Variants in GOLGB1 observed in about 807,000 individuals in gnomAD.
GOLGB1 encodes the protein golgin B1.
GOLGB1 carries 174 observed loss-of-function variants against 336.9 expected under a neutral mutation model. The ratio of observed to expected loss-of-function variants is 0.52; its 90% CI spans 0.46 to 0.59. The LOEUF (loss-of-function observed/expected upper bound fraction) is 0.59, where lower values mean the gene tolerates loss of function less well. Among genes scored for constraint, GOLGB1 ranks in the 20% least tolerant of loss-of-function variants. The probability of loss-of-function intolerance (pLI) is 0.00; values close to 1 mark genes in which losing one functional copy is unlikely to be tolerated. For synonymous variants in GOLGB1, 1,208 were observed against 1,289.2 expected, an observed-to-expected ratio of 0.94 and a Z score of 1.35; for missense variants, 3,331 against 3,645.3, an observed-to-expected ratio of 0.91 and a Z score of 2.22.
intron 10 of GOLGB1, among the ~76,000 whole-genome samples, chr3:121,709,264 G>A (rs886344078): frequency 6.6e-6 from 1 of 152,128 alleles, no homozygotes; most frequent in Non-Finnish European, 1.5e-5. Context: ...CCCCCTCTTA[G>A]CAAATGTTTC....
At chr3:121,677,498 G>T in intron 15 of GOLGB1, 48 bp from the exon 16 acceptor site, 1 of 1,308,754 alleles carries the variant, frequency 7.6e-7, no homozygotes, top group Non-Finnish European at 1.1e-6. Flanking sequence ...CTTGTAACTG[G>T]GCATGGTAGC....
chr3:121,730,059 T>C (rs763617484), intron 2 of GOLGB1, 42 bp from the exon 3 acceptor site: 1 of 1,441,134 alleles, frequency 6.9e-7, no homozygotes, highest in Non-Finnish European at 9.6e-7. Flanking sequence ...CAGGAAAAGG[T>C]ATTAGCTTCC....
Position 121,697,801 on chromosome 3 carries a change from C to T in GOLGB1, c.2722G>A (p.Val908Met). ...QQTIEEKDQQ[V>M]TEISFSMTEK... ...GTCATACTAAAGCTGATTTCTGTCACTTGTTGATCCTTCTCCTCGATGGTT... is the reference window on the plus strand; with the variant it reads ...GTCATACTAAAGCTGATTTCTGTCATTTGTTGATCCTTCTCCTCGATGGTT... Residue 908 changes from valine to methionine, a missense_variant, in exon 13 of 22, where the codon GTG (valine) becomes ATG (methionine). Val to Met is a conservative substitution (Grantham distance 21, BLOSUM62 1). Coordinates refer to ENST00000614479, the MANE Select transcript of GOLGB1 (RefSeq NM_001366282.2). 6.2e-7 allele frequency: 1 copy of T among 1,614,076 alleles called. No homozygotes were observed. Among genetic ancestry groups the T allele is most frequent in the South Asian group, 1.1e-5 (1 of 91,078 alleles).
chr3:121,691,422 T>A lies in GOLGB1; in HGVS notation c.7942A>T (p.Arg2648Trp), dbSNP rs762951023. The change falls in exon 14 of 22, where the codon AGG (arginine) becomes TGG (tryptophan). Residue 2648 changes from arginine to tryptophan, a missense_variant. Arg to Trp is a moderately radical substitution (Grantham distance 101). Coordinates refer to ENST00000614479, the MANE Select transcript of GOLGB1 (RefSeq NM_001366282.2). ...QLKVKEEEVH[R>W]LSALFSSSQK... ...GAGGAGGAAAACAAAGCACTTAACC[T>A]GTGTACCTCTTCTTCTTTTACTTTT... The A allele has an allele frequency of 3.7e-6, 6 of 1,613,708 alleles. No homozygotes were observed. The highest frequency in any genetic ancestry group is 5.1e-6 in the Non-Finnish European group (6 of 1,179,978).
chr3:121,718,278 T>C (rs1944924569), intron 8 of GOLGB1, 110 bp downstream of exon 8: 3 of 655,736 alleles, frequency 4.6e-6, no homozygotes, highest in South Asian at 3.8e-5. Flanking sequence ...AATGAATAAA[T>C]GGCATCAATT....
At chr3:121,670,903 G>T (rs1275909495) in intron 17 of GOLGB1, among the ~76,000 whole-genome samples, 1 of 152,132 alleles carries the variant, frequency 6.6e-6, no homozygotes, top group African/African-American at 2.4e-5. Context: ...CTTAACCTAA[G>T]AGGAAGTTAA....
At chr3:121,677,215 A>AAAC in intron 16 of GOLGB1, 70 bp downstream of exon 16, 2 of 1,348,950 alleles carry the variant, frequency 1.5e-6, no homozygotes, top group Non-Finnish European at 1.0e-6. Context: ...AAAAAAAACA[A>AAAC]AACCCTGCAA....
chr3:121,702,593 T>A lies in GOLGB1; in HGVS notation c.1407A>T (p.Ala469=), dbSNP rs1943499976. 7.0e-7 allele frequency: 1 copy of A among 1,423,158 alleles called. No homozygotes were observed. Among genetic ancestry groups the A allele is most frequent in the Non-Finnish European group, 9.4e-7 (1 of 1,058,736 alleles). The allele number at this position is 1,423,158 out of a possible 1,614,324, so 88.2% of individuals were successfully genotyped here. ...AAGAAGCAATATTCTCCTCAGTGACTGCCTAAATTGTAGAAAGACAACAAA... is the reference window on the plus strand; with the variant it reads ...AAGAAGCAATATTCTCCTCAGTGACAGCCTAAATTGTAGAAAGACAACAAA... ...FPDVYNEGTQ[A]VTEENIASLQ... Residue 469 remains alanine (A), a splice_region_variant and synonymous_variant, in exon 11 of 22, where the codon GCA becomes GCT. Coordinates refer to ENST00000614479, the MANE Select transcript of GOLGB1 (RefSeq NM_001366282.2).
At chr3:121,739,866 C>A (rs559180892) in intron 1 of GOLGB1, among the ~76,000 whole-genome samples, 1 of 152,306 alleles carries the variant, frequency 6.6e-6, no homozygotes, top group East Asian at 1.9e-4. Context: ...CCATCACATA[C>A]TTCTCAGAAA....
intron 8 of GOLGB1, among the ~76,000 whole-genome samples, 163 bp from the exon 9 acceptor site, chr3:121,717,302 A>G (rs996033986): frequency 2.0e-5 from 3 of 152,184 alleles, no homozygotes; most frequent in Non-Finnish European, 4.4e-5. Flanking sequence ...AGAAGAGAGG[A>G]GATGGCTGAC....
chr3:121,735,370 A>G (rs772956669), intron 1 of GOLGB1, among the ~76,000 whole-genome samples: 15 of 152,228 alleles, frequency 9.9e-5, no homozygotes, highest in Non-Finnish European at 1.9e-4. Context: ...TATTATAAAT[A>G]TATGATATAA....
chr3:121,739,320 GA>G (rs1560334063), intron 1 of GOLGB1, among the ~76,000 whole-genome samples: 1 of 151,142 alleles, frequency 6.6e-6, no homozygotes, highest in African/African-American at 2.4e-5. Flanking sequence ...ATTACTAGAA[GA>G]AAAAAAAGGA....
chr3:121,693,639 TG>T, intron 13 of GOLGB1, 101 bp downstream of exon 13: 1 of 856,412 alleles, frequency 1.2e-6, no homozygotes, highest in East Asian at 2.4e-5. Flanking sequence ...TGGACATTTA[TG>T]CCAAAATTAG....
chr3:121,716,917 C>G lies in GOLGB1; in HGVS notation c.1108G>C (p.Ala370Pro), dbSNP rs1301116244. Residue 370 changes from alanine (A) to proline (P), a missense_variant, in exon 9 of 22, where the codon GCT becomes CCT. Transcript: ENST00000614479. Reference protein sequence around the residue: ...AQAELESRYSALEQKHKAEME... With the variant: ...AQAELESRYSPLEQKHKAEME... ...TCTGCTTTGTGCTTCTGCTCCAAAGCACTATACCGAGACTCTAGTTCAGCC... is the reference window on the plus strand; with the variant it reads ...TCTGCTTTGTGCTTCTGCTCCAAAGGACTATACCGAGACTCTAGTTCAGCC... 6.2e-7 allele frequency: 1 copy of G among 1,613,974 alleles called. No individual in the cohort carries two copies. The highest frequency in any genetic ancestry group is 1.7e-4 in the Middle Eastern group (1 of 6,060).
intron 20 of GOLGB1, among the ~76,000 whole-genome samples, chr3:121,667,141 A>T (rs1241458835): frequency 2.0e-5 from 3 of 152,228 alleles, no homozygotes; most frequent in Non-Finnish European, 1.5e-5. Context: ...ATGGATTCAG[A>T]TCTCAGGTAG....
Position 121,691,496 on chromosome 3 carries a change from A to G in GOLGB1, c.7868T>C (p.Val2623Ala). Reference sequence around the variant, plus strand: ...AGTACCTTCTTCTTGCAAGGCTGTTACTTGTCTTGTTAGCTGGGATATAGA... The same window carrying G: ...AGTACCTTCTTCTTGCAAGGCTGTTGCTTGTCTTGTTAGCTGGGATATAGA... ...KVSISQLTRQ[V>A]TALQEEGTLG... is the part of the protein sequence containing the mutation. The change falls in exon 14 of 22, where the codon GTA becomes GCA. Residue 2623 changes from valine to alanine, a missense_variant. Coordinates refer to ENST00000614479, the MANE Select transcript of GOLGB1 (RefSeq NM_001366282.2). 1.9e-6 allele frequency: 3 copies of G among 1,612,346 alleles called. No homozygotes were observed. The highest frequency in any genetic ancestry group is 2.5e-6 in the Non-Finnish European group (3 of 1,179,518).
At chr3:121,749,403 A>G (rs1284360941) in intron 1 of GOLGB1, among the ~76,000 whole-genome samples, 1 of 152,166 alleles carries the variant, frequency 6.6e-6, no homozygotes, top group East Asian at 1.9e-4. Flanking sequence ...AAGTCTGCGC[A>G]GGGTGACCCC....
chr3:121,741,775 A>C (rs1414267810), intron 1 of GOLGB1, among the ~76,000 whole-genome samples: 3 of 152,172 alleles, frequency 2.0e-5, no homozygotes, highest in Non-Finnish European at 4.4e-5. Context: ...AAGGCTTAAA[A>C]GTAATGACAA....
chr3:121,704,188 G>A lies in GOLGB1; in HGVS notation c.1405-1593C>T, dbSNP rs373443131. Among the ~76,000 whole-genome samples, 16 of 152,076 alleles carry A rather than the reference G, an allele frequency of 1.1e-4. No homozygotes were observed. In the South Asian group the frequency reaches 2.9e-3, roughly 28 times the overall value. On this transcript the variant is annotated intron_variant, in intron 10 of 21. Coordinates refer to ENST00000614479, the MANE Select transcript of GOLGB1 (RefSeq NM_001366282.2). ...GACAATATTAAAAGGTTCAATATACGTGTAATTGGAGTACCAGAAGAGACG... is the reference window on the plus strand; with the variant it reads ...GACAATATTAAAAGGTTCAATATACATGTAATTGGAGTACCAGAAGAGACG...
Sources: allele counts gnomAD v4.1 joint callset (sites outside exome capture counted in the v4.1 genomes callset), GRCh38; gene constraint gnomAD v4.1.1; transcripts MANE v1.5; gene names NCBI Gene and HGNC (gene_info 2026-07-23, HGNC 2026-07-21).